TNS1: variants seen among roughly 807,000 people sequenced by gnomAD.
The protein encoded by TNS1 is tensin-1.
A neutral mutation model predicts 168.6 loss-of-function variants in TNS1; 62 were observed. That is an observed-to-expected ratio of 0.37 (90% CI 0.30 to 0.45). TNS1 has a LOEUF of 0.45. Among genes scored for constraint, TNS1 ranks in the 20% least tolerant of loss-of-function variants. The probability of loss-of-function intolerance (pLI) is 1.00; values close to 1 mark genes in which losing one functional copy is unlikely to be tolerated. For synonymous variants in TNS1, 934 were observed against 933.2 expected, an observed-to-expected ratio of 1.00 and a Z score of -0.02; for missense variants, 2,240 against 2,339.4, an observed-to-expected ratio of 0.96 and a Z score of 0.88.
intron 3 of TNS1, among the ~76,000 whole-genome samples, chr2:217,935,027 GCAGGT>G (rs1275129435): frequency 6.6e-6 from 1 of 152,248 alleles, no homozygotes; most frequent in Non-Finnish European, 1.5e-5. Context: ...AAAGGGACTA[GCAGGT>G]CACCTGACGC....
Position 217,813,247 on chromosome 2 carries a change from T to C in TNS1, c.4922A>G (p.Lys1641Arg). The C allele has an allele frequency of 6.2e-7, 1 of 1,603,810 alleles. No homozygotes were observed. The highest frequency in any genetic ancestry group is 8.5e-7 in the Non-Finnish European group (1 of 1,174,550). ...FLIETGPRGV[K>R]LKGCPNEPNF... ...TGGCTCATTGGGGCAGCCCTTGAGC[T>C]TGACTCCTCTGGGGCCAGTCTCTAT... Residue 1641 changes from lysine (K) to arginine (R), a missense_variant, in exon 27 of 33, where the codon AAG (lysine) becomes AGG (arginine). By Grantham distance (26) the Lys-to-Arg change is conservative (BLOSUM62 2). Transcript: ENST00000682258. This position sits in a 1 kb window ranked among gnomAD's most constrained non-coding sequence, Gnocchi z 4.0.
At chr2:217,989,555 A>T (rs1958297545) in intron 2 of TNS1, among the ~76,000 whole-genome samples, 1 of 152,082 alleles carries the variant, frequency 6.6e-6, no homozygotes, top group African/African-American at 2.4e-5. Flanking sequence ...GGGTGCAGGG[A>T]GCTCCTGCTG....
intron 2 of TNS1, among the ~76,000 whole-genome samples, chr2:217,983,091 C>T (rs1336794077): frequency 6.6e-6 from 1 of 152,276 alleles, no homozygotes; most frequent in East Asian, 1.9e-4. Flanking sequence ...GACAGCCAGT[C>T]TGTGAGTGAC....
intron 18 of TNS1, among the ~76,000 whole-genome samples, chr2:217,865,629 G>C (rs891506672): frequency 1.3e-5 from 2 of 152,194 alleles, no homozygotes; most frequent in African/African-American, 4.8e-5. Flanking sequence ...TGGCTGTAAA[G>C]ATGTAAAGAT....
chr2:217,887,874 T>G (rs749604148), intron 12 of TNS1, among the ~76,000 whole-genome samples: 5 of 152,246 alleles, frequency 3.3e-5, no homozygotes, highest in Non-Finnish European at 7.3e-5. Context: ...ATTTTCCCTT[T>G]TCTGATTGGC....
At chr2:217,833,367 T>G (rs1944722171) in intron 21 of TNS1, among the ~76,000 whole-genome samples, 1 of 152,276 alleles carries the variant, frequency 6.6e-6, no homozygotes, top group Non-Finnish European at 1.5e-5. Flanking sequence ...GCAAGTCTTT[T>G]GCTTCCTGAG....
intron 6 of TNS1, among the ~76,000 whole-genome samples, chr2:217,902,291 T>G (rs981077131): frequency 6.6e-6 from 1 of 152,168 alleles, no homozygotes; most frequent in African/African-American, 2.4e-5. Context: ...CACCCTGCTA[T>G]AAATAGCCCC....
intron 3 of TNS1, among the ~76,000 whole-genome samples, chr2:217,976,339 T>A (rs1957894476): frequency 6.6e-6 from 1 of 152,196 alleles, no homozygotes; most frequent in East Asian, 1.9e-4. Context: ...GGCTATAAAA[T>A]CCACAGTATA....
chr2:217,944,173 C>A (rs1957041641), intron 3 of TNS1: 1 of 152,472 alleles, frequency 6.6e-6, no homozygotes, highest in South Asian at 2.1e-4. Flanking sequence ...TGGGCCCCCT[C>A]CGCCAGCCAT....
chr2:217,988,753 C>T (rs896399462), intron 2 of TNS1, among the ~76,000 whole-genome samples: 1 of 152,150 alleles, frequency 6.6e-6, no homozygotes, highest in African/African-American at 2.4e-5. Context: ...GCCACTTTCC[C>T]TCCCCCTGAG....
chr2:217,920,682 G>T (rs1393231488), intron 3 of TNS1, among the ~76,000 whole-genome samples: 2 of 151,620 alleles, frequency 1.3e-5, no homozygotes, highest in East Asian at 3.9e-4. Context: ...CACCTCCTTG[G>T]TTCTCCCCAT....
intron 19 of TNS1, among the ~76,000 whole-genome samples, chr2:217,836,614 C>T (rs562348330): frequency 6.6e-6 from 1 of 152,314 alleles, no homozygotes; most frequent in African/African-American, 2.4e-5. Flanking sequence ...CAACATCAAG[C>T]CTGTGGGGAA....
upstream of TNS1, among the ~76,000 whole-genome samples, chr2:218,003,940 A>G (rs1205947702): frequency 1.3e-5 from 2 of 151,920 alleles, no homozygotes; most frequent in Non-Finnish European, 2.9e-5. Flanking sequence ...GGTGGAAAGG[A>G]GGCTGGGTCA....
chr2:217,812,033 A>T (rs75691237), intron 28 of TNS1, among the ~76,000 whole-genome samples: 2,110 of 152,158 alleles, frequency 0.014, 57 homozygotes, highest in African/African-American at 0.048. Flanking sequence ...TGCCCATCTC[A>T]TCCTCCAGGA....
chr2:217,834,642 G>A (rs571056601), intron 21 of TNS1, among the ~76,000 whole-genome samples: 2 of 152,272 alleles, frequency 1.3e-5, no homozygotes, highest in African/African-American at 2.4e-5. Context: ...AGGGTCCTGG[G>A]TCCCTCTCTC....
intron 2 of TNS1, among the ~76,000 whole-genome samples, chr2:217,989,137 C>T (rs1359379216): frequency 1.3e-5 from 2 of 152,152 alleles, no homozygotes; most frequent in Non-Finnish European, 2.9e-5. Context: ...GTGGTTTGAA[C>T]ATGGAGTCAG....
intron 24 of TNS1, among the ~76,000 whole-genome samples, chr2:217,815,965 G>A (rs1214491493): frequency 6.6e-6 from 1 of 152,058 alleles, no homozygotes; most frequent in African/African-American, 2.4e-5. Context: ...CCACTTCTCA[G>A]GCAGACAGCA....
upstream of TNS1, among the ~76,000 whole-genome samples, chr2:218,011,227 A>G (rs1376851082): frequency 6.6e-6 from 1 of 152,134 alleles, no homozygotes; most frequent in African/African-American, 2.4e-5. Context: ...AGGTCATCCT[A>G]TTAGGACCCT....
intron 3 of TNS1, chr2:217,943,754 C>G (rs1957025929): frequency 6.6e-6 from 1 of 152,554 alleles, no homozygotes; most frequent in African/African-American, 2.4e-5. Context: ...TTGACAGCAT[C>G]AGTATCAACA....
Sources: allele counts gnomAD v4.1 joint callset (sites outside exome capture counted in the v4.1 genomes callset), GRCh38; gene constraint gnomAD v4.1.1; non-coding constraint Gnocchi (gnomAD v3.1); transcripts MANE v1.5; gene names NCBI Gene and HGNC (gene_info 2026-07-23, HGNC 2026-07-21).